TGFB2: variants seen among roughly 807,000 people sequenced by gnomAD.
TGFB2 encodes the protein transforming growth factor beta 2.
A neutral mutation model predicts 42.7 loss-of-function variants in TGFB2; 13 were observed. The ratio of observed to expected loss-of-function variants is 0.30; its 90% CI spans 0.20 to 0.48. The LOEUF is 0.48. Ranked by LOEUF, TGFB2 falls within the 20% of genes least tolerant of loss-of-function variation. TGFB2 has a pLI of 0.99. For synonymous variants in TGFB2, 193 were observed against 193.6 expected (o/e 1.00, Z 0.03); for missense variants, 390 against 517.5 (o/e 0.75, Z 2.39).
chr1:218,428,164 T>C (rs1215147903), intron 2 of TGFB2, among the ~76,000 whole-genome samples: 1 of 152,140 alleles, frequency 6.6e-6, no homozygotes, highest in East Asian at 1.9e-4. Context: ...ATCCTTTGCC[T>C]ACTTTTTGAT....
intron 2 of TGFB2, among the ~76,000 whole-genome samples, chr1:218,423,018 G>C (rs1025685782): frequency 3.3e-5 from 5 of 152,104 alleles, no homozygotes; most frequent in African/African-American, 9.7e-5. Context: ...AGGGTAAAAG[G>C]CTCCTCCAAA....
At chr1:218,434,482 G>A in intron 4 of TGFB2, 34 bp downstream of exon 4, 4 of 1,341,272 alleles carry the variant, frequency 3.0e-6, no homozygotes, top group Non-Finnish European at 4.3e-6. Context: ...GGTGGGGGAG[G>A]GAAGGGTCTA....
intron 1 of TGFB2, among the ~76,000 whole-genome samples, chr1:218,387,157 G>A (rs1186289854): frequency 6.6e-6 from 1 of 152,068 alleles, no homozygotes; most frequent in Non-Finnish European, 1.5e-5. Flanking sequence ...ACATGGCATG[G>A]GTGTGGTGGT....
intron 1 of TGFB2, among the ~76,000 whole-genome samples, chr1:218,370,042 G>A (rs1281828278): frequency 1.3e-5 from 2 of 152,212 alleles, no homozygotes; most frequent in Non-Finnish European, 2.9e-5. Flanking sequence ...CCAGGTGATA[G>A]GTGTAAGAAA....
At chr1:218,403,756 A>ACG (rs939986774) in intron 1 of TGFB2, among the ~76,000 whole-genome samples, 2 of 152,222 alleles carry the variant, frequency 1.3e-5, no homozygotes, top group South Asian at 2.1e-4. Context: ...AGTAATAAAA[A>ACG]CATTTATAAA....
intron 2 of TGFB2, among the ~76,000 whole-genome samples, chr1:218,423,296 C>T (rs530424749): frequency 6.6e-6 from 1 of 152,304 alleles, no homozygotes; most frequent in African/African-American, 2.4e-5. Context: ...TTCCCTCTCT[C>T]TTGTATGGGC....
Position 218,434,356 on chromosome 1 carries a change from A to C in TGFB2, c.662A>C (p.Lys221Thr). 1 of 1,613,948 alleles carries C rather than the reference A, an allele frequency of 6.2e-7. No homozygotes were observed. Among genetic ancestry groups the C allele is most frequent in the Non-Finnish European group, 8.5e-7 (1 of 1,179,900 alleles). Reference sequence around the variant, plus strand: ...TTTCCAGACAGGAACCTGGGATTTAAAATAAGCTTACACTGTCCCTGCTGC... The same window carrying C: ...TTTCCAGACAGGAACCTGGGATTTACAATAAGCTTACACTGTCCCTGCTGC... The part of the protein sequence containing the change: ...LHHKDRNLGF[K>T]ISLHCPCCTF... Residue 221 changes from lysine to threonine, a missense_variant, in exon 4 of 7, where the codon AAA becomes ACA. Lys to Thr is a moderately conservative substitution (Grantham distance 78). Transcript: ENST00000366930.
chr1:218,373,173 C>T (rs1039495341), intron 1 of TGFB2, among the ~76,000 whole-genome samples: 4 of 151,914 alleles, frequency 2.6e-5, no homozygotes, highest in African/African-American at 7.3e-5. Flanking sequence ...AGCAAAGCTC[C>T]GTCTCAAAAA....
chr1:218,398,624 C>T (rs562752321), intron 1 of TGFB2, among the ~76,000 whole-genome samples: 148 of 151,178 alleles, frequency 9.8e-4, no homozygotes, highest in Admixed American at 2.2e-3. Context: ...AGTCTTTCTC[C>T]GTCACCAGGC....
chr1:218,357,685 A>C (rs1657084373), intron 1 of TGFB2, among the ~76,000 whole-genome samples: 1 of 152,232 alleles, frequency 6.6e-6, no homozygotes. Context: ...GTAAAGTCCA[A>C]ACCTTCTGGA....
chr1:218,370,704 G>A (rs1657543749), intron 1 of TGFB2, among the ~76,000 whole-genome samples: 1 of 152,208 alleles, frequency 6.6e-6, no homozygotes, highest in Non-Finnish European at 1.5e-5. Flanking sequence ...TGGGATGGCT[G>A]TGGCTCTGTT....
At chr1:218,391,223 T>A (rs1371925910) in intron 1 of TGFB2, among the ~76,000 whole-genome samples, 1 of 152,150 alleles carries the variant, frequency 6.6e-6, no homozygotes, top group East Asian at 1.9e-4. Flanking sequence ...CCATTTTCCT[T>A]GATGATTTGC....
intron 1 of TGFB2, among the ~76,000 whole-genome samples, chr1:218,367,637 G>A (rs1407638297): frequency 6.6e-6 from 1 of 152,196 alleles, no homozygotes; most frequent in East Asian, 1.9e-4. Context: ...TCTGATTGAA[G>A]TGTGAGAAGA....
chr1:218,430,005 T>C (rs141328308), intron 2 of TGFB2, among the ~76,000 whole-genome samples: 11 of 152,300 alleles, frequency 7.2e-5, no homozygotes, highest in African/African-American at 2.4e-4. Flanking sequence ...CATCAGCCAA[T>C]ATATATTATA....
chr1:218,437,217 T>C (rs986986104), intron 5 of TGFB2, 126 bp from the exon 6 acceptor site: 4 of 948,856 alleles, frequency 4.2e-6, no homozygotes, highest in African/African-American at 3.3e-5. Context: ...CCATGATATT[T>C]GCTCATTAGA....
chr1:218,438,338 A>G (rs1660039661), intron 6 of TGFB2, among the ~76,000 whole-genome samples: 1 of 152,210 alleles, frequency 6.6e-6, no homozygotes, highest in Non-Finnish European at 1.5e-5. Context: ...AGACTGTTAT[A>G]TTAGAAAGAA....
At chr1:218,438,882 G>A (rs1437529610) in intron 6 of TGFB2, among the ~76,000 whole-genome samples, 1 of 152,142 alleles carries the variant, frequency 6.6e-6, no homozygotes, top group Non-Finnish European at 1.5e-5. Context: ...GCCGAGGCAG[G>A]TGGATCACGA....
chr1:218,401,345 C>G (rs1658712575), intron 1 of TGFB2, among the ~76,000 whole-genome samples: 1 of 152,024 alleles, frequency 6.6e-6, no homozygotes, highest in Admixed American at 6.6e-5. Flanking sequence ...TCTCTCCCTT[C>G]CGTCCCCAAA....
intron 1 of TGFB2, among the ~76,000 whole-genome samples, chr1:218,389,112 TG>T (rs1658233540): frequency 6.6e-6 from 1 of 152,044 alleles, no homozygotes; most frequent in Admixed American, 6.6e-5. Context: ...AACAGTAAAA[TG>T]GGGGTAATCC....
Sources: allele counts gnomAD v4.1 joint callset (sites outside exome capture counted in the v4.1 genomes callset), GRCh38; gene constraint gnomAD v4.1.1; transcripts MANE v1.5; gene names NCBI Gene and HGNC (gene_info 2026-07-23, HGNC 2026-07-21).